PLCXD3: variants seen among roughly 807,000 people sequenced by gnomAD.
PLCXD3 encodes the protein phosphatidylinositol specific phospholipase C X domain containing 3.
Under a neutral mutation model 25.5 loss-of-function variants are expected in PLCXD3, and 19 were observed. The observed-to-expected ratio is 0.75, with a 90% CI of 0.52 to 1.09. The LOEUF (loss-of-function observed/expected upper bound fraction) is 1.09, where lower values mean the gene tolerates loss of function less well. Ranked by LOEUF, PLCXD3 falls within the 50% of genes least tolerant of loss-of-function variation. PLCXD3 has a pLI of 0.00. For missense variants in PLCXD3, 411 were observed against 388.1 expected, an observed-to-expected ratio of 1.06 and a Z score of -0.50; for synonymous variants, 174 against 137.6, an observed-to-expected ratio of 1.26 and a Z score of -1.85.
At chr5:41,321,134 A>C (rs912315870) in intron 2 of PLCXD3, among the ~76,000 whole-genome samples, 1 of 152,244 alleles carries the variant, frequency 6.6e-6, no homozygotes, top group Non-Finnish European at 1.5e-5. Flanking sequence ...AAATGCTTCC[A>C]AATTGAAAAG....
intron 2 of PLCXD3, among the ~76,000 whole-genome samples, chr5:41,358,091 A>C (rs774029521): frequency 6.6e-6 from 1 of 152,316 alleles, no homozygotes; most frequent in Non-Finnish European, 1.5e-5. Flanking sequence ...ATCACTCGCT[A>C]TGTACCAGAC....
chr5:41,487,927 A>T (rs951829738), intron 1 of PLCXD3, among the ~76,000 whole-genome samples: 2 of 151,984 alleles, frequency 1.3e-5, no homozygotes, highest in African/African-American at 4.8e-5. Flanking sequence ...TAATTTTATT[A>T]TTATTATACT....
At chr5:41,486,570 A>G (rs908423077) in intron 1 of PLCXD3, among the ~76,000 whole-genome samples, 2 of 152,140 alleles carry the variant, frequency 1.3e-5, no homozygotes, top group African/African-American at 4.8e-5. Flanking sequence ...AGCAGAGCTG[A>G]GCCTCAAATG....
chr5:41,507,695 TAA>T (rs1561293990), intron 1 of PLCXD3, among the ~76,000 whole-genome samples: 1 of 152,180 alleles, frequency 6.6e-6, no homozygotes, highest in Admixed American at 6.5e-5. Flanking sequence ...CCGCTTTACC[TAA>T]GACAACCTGA....
chr5:41,449,475 C>T (rs986354942), intron 1 of PLCXD3, among the ~76,000 whole-genome samples: 2 of 152,088 alleles, frequency 1.3e-5, no homozygotes, highest in African/African-American at 2.4e-5. Flanking sequence ...AATGCATTCT[C>T]TCTGTGTGTA....
At chr5:41,324,857 C>A (rs762136597) in intron 2 of PLCXD3, among the ~76,000 whole-genome samples, 1 of 152,158 alleles carries the variant, frequency 6.6e-6, no homozygotes, top group Non-Finnish European at 1.5e-5. Context: ...AGGTGAGAGG[C>A]GGAGTAGATA....
At chr5:41,457,682 C>T (rs1200568264) in intron 1 of PLCXD3, among the ~76,000 whole-genome samples, 2 of 151,922 alleles carry the variant, frequency 1.3e-5, no homozygotes, top group Admixed American at 6.6e-5. Context: ...ACATAAACCC[C>T]TTTCACCTGC....
At chr5:41,495,883 T>G (rs1748826226) in intron 1 of PLCXD3, among the ~76,000 whole-genome samples, 1 of 152,000 alleles carries the variant, frequency 6.6e-6, no homozygotes. Flanking sequence ...GTCAAAGGAA[T>G]AAAATAAGTT....
At chr5:41,341,418 T>A (rs890693366) in intron 2 of PLCXD3, among the ~76,000 whole-genome samples, 1 of 152,204 alleles carries the variant, frequency 6.6e-6, no homozygotes, top group Non-Finnish European at 1.5e-5. Flanking sequence ...TCATGATTAC[T>A]AGGAAGCTTA....
chr5:41,462,227 C>T (rs1012667930), intron 1 of PLCXD3, among the ~76,000 whole-genome samples: 2 of 152,016 alleles, frequency 1.3e-5, no homozygotes, highest in Non-Finnish European at 2.9e-5. Flanking sequence ...TTATCACAAG[C>T]AATTCAGCCT....
In PLCXD3 at chr5:41,440,987, A is replaced by C. The variant is rs117166818; in HGVS notation, c.104-58453T>G. Among the ~76,000 whole-genome samples the C allele has an allele frequency of 4.0e-4, 61 of 152,350 alleles. No individual in the cohort carries two copies. In the East Asian group the frequency reaches 7.7e-3, roughly 19 times the overall value. The stretch of plus-strand genomic sequence containing the variant: ...AAGTTAGTGTATAATGCAGACAAAA[A>C]CAGACAGAGTGGACTTCAGGCCCAC... On this transcript the variant is annotated intron_variant, in intron 1 of 2. Coordinates refer to ENST00000377801, the MANE Select transcript of PLCXD3 (RefSeq NM_001005473.3).
intron 2 of PLCXD3, among the ~76,000 whole-genome samples, chr5:41,360,313 C>T (rs555454114): frequency 3.3e-5 from 5 of 152,194 alleles, no homozygotes; most frequent in African/African-American, 1.2e-4. Flanking sequence ...CTAGTGCCTC[C>T]TTGATTAGCT....
intron 2 of PLCXD3, among the ~76,000 whole-genome samples, chr5:41,347,311 A>C (rs1483616503): frequency 6.6e-6 from 1 of 152,192 alleles, no homozygotes; most frequent in Non-Finnish European, 1.5e-5. Flanking sequence ...AAAATTCTTT[A>C]CCTATTAAAA....
chr5:41,431,499 C>G (rs924866408), intron 1 of PLCXD3, among the ~76,000 whole-genome samples: 5 of 152,120 alleles, frequency 3.3e-5, no homozygotes, highest in Non-Finnish European at 5.9e-5. Flanking sequence ...CATTTTCATG[C>G]CAAAGTGGAT....
At chr5:41,388,125 T>TAA (rs35656974) in intron 1 of PLCXD3, among the ~76,000 whole-genome samples, 2 of 146,388 alleles carry the variant, frequency 1.4e-5, no homozygotes, top group African/African-American at 2.5e-5. Flanking sequence ...AGTTGGAAAC[T>TAA]AAAAAAAAAA....
At chr5:41,483,705 A>G (rs1034325434) in intron 1 of PLCXD3, among the ~76,000 whole-genome samples, 1 of 152,160 alleles carries the variant, frequency 6.6e-6, no homozygotes, top group African/African-American at 2.4e-5. Context: ...TAAAATGGTA[A>G]ATTTTACATT....
chr5:41,430,293 A>G lies in PLCXD3; in HGVS notation c.104-47759T>C, dbSNP rs1189348183. 2.6e-5 allele frequency among the ~76,000 whole-genome samples: 4 copies of G among 152,186 alleles called. No homozygotes were observed. The East Asian group carries it at 7.7e-4, about 29-fold the overall frequency. The stretch of plus-strand genomic sequence containing the variant: ...CATACATTTTATTAATTTGCTTTCC[A>G]TGAGAGAGGAATGAGTTCAAGAAAA... On this transcript the variant is annotated intron_variant, in intron 1 of 2. Coordinates refer to ENST00000377801, the MANE Select transcript of PLCXD3 (RefSeq NM_001005473.3).
intron 1 of PLCXD3, among the ~76,000 whole-genome samples, chr5:41,493,203 C>T: frequency 6.6e-6 from 1 of 152,186 alleles, no homozygotes; most frequent in Non-Finnish European, 1.5e-5. Context: ...CCACTCCAGA[C>T]CCTGTTTGCC....
intron 1 of PLCXD3, among the ~76,000 whole-genome samples, chr5:41,386,649 A>G (rs972200461): frequency 6.6e-6 from 1 of 152,086 alleles, no homozygotes; most frequent in Non-Finnish European, 1.5e-5. Flanking sequence ...ACTTGAGCAG[A>G]CAAGCTCTTA....
Sources: allele counts gnomAD v4.1 joint callset (sites outside exome capture counted in the v4.1 genomes callset), GRCh38; gene constraint gnomAD v4.1.1; transcripts MANE v1.5; gene names NCBI Gene and HGNC (gene_info 2026-07-23, HGNC 2026-07-21).